DCHS2: variants seen among roughly 807,000 people sequenced by gnomAD.
DCHS2 encodes the protein protocadherin-23.
A neutral mutation model predicts 182.4 loss-of-function variants in DCHS2; 142 were observed. The ratio of observed to expected loss-of-function variants is 0.78; its 90% CI spans 0.68 to 0.89. The LOEUF (loss-of-function observed/expected upper bound fraction) is 0.89, where lower values mean the gene tolerates loss of function less well. Ranked by LOEUF, DCHS2 falls within the 40% of genes least tolerant of loss-of-function variation. The probability of loss-of-function intolerance (pLI) is 0.00; values close to 1 mark genes in which losing one functional copy is unlikely to be tolerated. For missense variants in DCHS2, 4,319 were observed against 4,198.6 expected (o/e 1.03, Z -0.79); for synonymous variants, 1,740 against 1,663.3 (o/e 1.05, Z -1.12).
intron 5 of DCHS2, among the ~76,000 whole-genome samples, chr4:154,330,813 G>A (rs1017988329): frequency 2.0e-5 from 3 of 151,606 alleles, no homozygotes; most frequent in Non-Finnish European, 2.9e-5. Context: ...GTGTTTACTC[G>A]GTGGTTTTAA....
intron 9 of DCHS2, among the ~76,000 whole-genome samples, chr4:154,317,537 A>G (rs948376067): frequency 6.6e-6 from 1 of 152,240 alleles, no homozygotes; most frequent in South Asian, 2.1e-4. Flanking sequence ...CTCCACATTT[A>G]ACTCCATTCC....
At chr4:154,479,230 C>T (rs1353381816) in intron 1 of DCHS2, among the ~76,000 whole-genome samples, 1 of 151,898 alleles carries the variant, frequency 6.6e-6, no homozygotes, top group Non-Finnish European at 1.5e-5. Flanking sequence ...AAGAACATGA[C>T]AGTGAATTTG....
chr4:154,456,579 A>G lies in DCHS2; in HGVS notation c.2052+32725T>C, dbSNP rs547276553. Among the ~76,000 whole-genome samples, 25 of 152,332 alleles carry G rather than the reference A, an allele frequency of 1.6e-4. No homozygotes were observed. In the South Asian group the frequency reaches 4.1e-3, roughly 25 times the overall value. On this transcript the variant is annotated intron_variant, in intron 1 of 19. Coordinates refer to ENST00000357232, the MANE Select transcript of DCHS2 (RefSeq NM_001358235.2). ...GTGAGCTGGATTTTGAAGAATATATACAATTTTATTAAGCAAAACAGAGGA... is the reference window on the plus strand; with the variant it reads ...GTGAGCTGGATTTTGAAGAATATATGCAATTTTATTAAGCAAAACAGAGGA...
intron 7 of DCHS2, 91 bp downstream of exon 7, chr4:154,328,002 A>G: frequency 1.1e-6 from 1 of 870,314 alleles, no homozygotes; most frequent in South Asian, 2.8e-5. Flanking sequence ...AAAGTAATCA[A>G]AATAGAACTT....
intron 9 of DCHS2, among the ~76,000 whole-genome samples, chr4:154,318,225 T>A (rs1401477325): frequency 6.6e-6 from 1 of 151,182 alleles, no homozygotes; most frequent in Non-Finnish European, 1.5e-5. Flanking sequence ...TACGTATATA[T>A]ACGTTATATA....
intron 10 of DCHS2, among the ~76,000 whole-genome samples, chr4:154,311,470 A>G (rs1230333194): frequency 1.3e-5 from 2 of 152,024 alleles, no homozygotes; most frequent in Non-Finnish European, 1.5e-5. Flanking sequence ...CCTGGCTTCA[A>G]GCAATCCTCC....
chr4:154,304,941 T>C lies in DCHS2; in HGVS notation c.5396-63A>G. On this transcript the variant is annotated intron_variant, in intron 11 of 19. Transcript: ENST00000357232. ...TTGATTCATACCTAAAATATGTTGT[T>C]CTAACTAGACAATGTCAGGCTAACC... is the stretch of plus-strand genomic sequence containing the variant. The C allele has an allele frequency of 3.3e-6, 5 of 1,530,994 alleles. No individual in the cohort carries two copies. The South Asian group carries it at 6.5e-5, about 20-fold the overall frequency. The allele number at this position is 1,530,994 out of a possible 1,614,324, so 94.8% of individuals were successfully genotyped here.
rs530617599 is a variant in DCHS2, at chr4:154,239,274, C to A, written c.7388G>T (p.Gly2463Val). 3.7e-6 allele frequency: 6 copies of A among 1,612,900 alleles called. No individual in the cohort carries two copies. Among genetic ancestry groups the A allele is most frequent in the African/African-American group, 1.3e-5 (1 of 74,804 alleles). The change falls in exon 19 of 20, where the codon GGG (glycine) becomes GTG (valine). Residue 2463 changes from glycine to valine, a missense_variant. Transcript: ENST00000357232. Reference sequence around the variant, plus strand: ...GGCTGACAGAGTCAGCACTGAATACCCCACAGGTATTGATTCAGGAACTGT... The same window carrying A: ...GGCTGACAGAGTCAGCACTGAATACACCACAGGTATTGATTCAGGAACTGT... Reference protein sequence around the residue: ...QVTVPESIPVGYSVLTLSATD... With the variant: ...QVTVPESIPVVYSVLTLSATD...
In DCHS2 at chr4:154,436,427, G is replaced by A. The variant is rs534906437; in HGVS notation, c.2052+52877C>T. Among the ~76,000 whole-genome samples the A allele has an allele frequency of 3.9e-5, 6 of 152,238 alleles. No homozygotes were observed. In the South Asian group the frequency reaches 1.2e-3, roughly 31 times the overall value. The stretch of plus-strand genomic sequence containing the variant: ...GATTAATTAAATGTTAGATTTGACT[G>A]CATGAAAAGCTATTATTTTCTTTTA... On this transcript the variant is annotated intron_variant, in intron 1 of 19. Transcript: ENST00000357232.
intron 15 of DCHS2, among the ~76,000 whole-genome samples, chr4:154,256,424 T>C (rs1314568646): frequency 1.3e-5 from 2 of 152,154 alleles, no homozygotes; most frequent in African/African-American, 4.8e-5. Context: ...TGTGAGCCAC[T>C]GTGGCTGGCC....
intron 1 of DCHS2, among the ~76,000 whole-genome samples, chr4:154,384,889 G>C (rs548541545): frequency 1.6e-5 from 2 of 126,534 alleles, no homozygotes; most frequent in African/African-American, 2.8e-5. Context: ...AATAATTTCC[G>C]CTGTTTTTTT....
chr4:154,374,188 G>A (rs1410330541), intron 2 of DCHS2: 1 of 497,246 alleles, frequency 2.0e-6, no homozygotes, highest in Non-Finnish European at 3.6e-6. Context: ...TGCTTCTCCT[G>A]ATGGACAGCA....
chr4:154,249,428 G>T (rs1175473171), intron 16 of DCHS2, among the ~76,000 whole-genome samples: 2 of 152,106 alleles, frequency 1.3e-5, no homozygotes, highest in Non-Finnish European at 2.9e-5. Flanking sequence ...AAACAAAGAT[G>T]CTAGTGAGAG....
chr4:154,369,029 T>C (rs745898244), intron 2 of DCHS2, among the ~76,000 whole-genome samples: 1 of 152,238 alleles, frequency 6.6e-6, no homozygotes, highest in Non-Finnish European at 1.5e-5. Flanking sequence ...TATATACATT[T>C]ACTGTGCTAA....
intron 5 of DCHS2, among the ~76,000 whole-genome samples, chr4:154,330,688 A>T (rs937124557): frequency 2.4e-4 from 36 of 152,232 alleles, no homozygotes; most frequent in African/African-American, 8.7e-4. Flanking sequence ...ATTAAAAAAA[A>T]GTGGAAACAG....
At chr4:154,360,806 T>C (rs781328959) in intron 3 of DCHS2, among the ~76,000 whole-genome samples, 2 of 152,180 alleles carry the variant, frequency 1.3e-5, no homozygotes, top group African/African-American at 2.4e-5. Flanking sequence ...GCTGCCCTTG[T>C]CTGGCAGTTT....
intron 3 of DCHS2, among the ~76,000 whole-genome samples, chr4:154,350,419 T>G (rs1303285013): frequency 2.0e-5 from 3 of 152,174 alleles, no homozygotes; most frequent in Non-Finnish European, 2.9e-5. Flanking sequence ...TTTTAAATTT[T>G]TTTTCAACTT....
At chr4:154,303,224 C>T (rs888445622) in intron 12 of DCHS2, among the ~76,000 whole-genome samples, 5 of 151,938 alleles carry the variant, frequency 3.3e-5, no homozygotes, top group African/African-American at 7.3e-5. Context: ...TCAGGTGATC[C>T]GCCCACGTTG....
chr4:154,235,583 G>GTCTT lies in DCHS2; in HGVS notation c.9065_9068dup (p.Asp3023GlufsTer8). 1 of 1,613,942 alleles carries GTCTT rather than the reference G, an allele frequency of 6.2e-7. No homozygotes were observed. The highest frequency in any genetic ancestry group is 8.5e-7 in the Non-Finnish European group (1 of 1,179,936). On this transcript the variant is annotated frameshift_variant, in exon 20 of 20. Coordinates refer to ENST00000357232, the MANE Select transcript of DCHS2 (RefSeq NM_001358235.2). LOFTEE classifies it low-confidence loss of function (END_TRUNC). ...TCTTCTCCTCATAATTGTTTATTGT[G>GTCTT]TCTTTTTGTTTATGTCTTAAAATCA...
Sources: allele counts gnomAD v4.1 joint callset (sites outside exome capture counted in the v4.1 genomes callset), GRCh38; gene constraint gnomAD v4.1.1; transcripts MANE v1.5; gene names NCBI Gene and HGNC (gene_info 2026-07-23, HGNC 2026-07-21).